The following DEAF1 variants were observed in gnomAD, a reference collection of about 807,000 sequenced individuals.
DEAF1 encodes deformed epidermal autoregulatory factor 1 homolog.
Under a neutral mutation model 58.9 loss-of-function variants are expected in DEAF1, and 53 were observed. The ratio of observed to expected loss-of-function variants is 0.90; its 90% CI spans 0.72 to 1.13. The LOEUF (loss-of-function observed/expected upper bound fraction) is 1.13. Ranked by LOEUF, DEAF1 falls within the 50% of genes most tolerant of loss-of-function variation. The pLI is 0.00. For missense variants in DEAF1, 685 were observed against 791.4 expected (o/e 0.87, Z 1.61); for synonymous variants, 385 against 340.4 (o/e 1.13, Z -1.44).
chr11:671,340 C>T (rs377188691), intron 10 of DEAF1, among the ~76,000 whole-genome samples: 125 of 152,014 alleles, frequency 8.2e-4, no homozygotes, highest in Non-Finnish European at 1.0e-3. Context: ...CCTGCCTCAG[C>T]CTCCTAAGTA....
chr11:678,480 T>A, intron 9 of DEAF1: 3 of 625,952 alleles, frequency 4.8e-6, no homozygotes, highest in Non-Finnish European at 8.0e-6. Flanking sequence ...AAAAGCAACT[T>A]CCACAGCACA....
upstream of DEAF1, chr11:695,449 G>C (rs986204753): frequency 3.9e-6 from 2 of 513,024 alleles, no homozygotes; most frequent in Non-Finnish European, 6.1e-6. Flanking sequence ...GTCCCCGGCC[G>C]ACAGGGCTGG....
intron 10 of DEAF1, among the ~76,000 whole-genome samples, chr11:667,660 T>A (rs1170783558): frequency 4.6e-5 from 7 of 151,058 alleles, no homozygotes; most frequent in Admixed American, 4.6e-4. Flanking sequence ...ATACAAAAAA[T>A]TAGCTGGGCA....
chr11:688,446 G>A lies in DEAF1; in HGVS notation c.402C>T (p.Ala134=). 3 of 1,613,794 alleles carry A rather than the reference G, an allele frequency of 1.9e-6. No individual in the cohort carries two copies. Among genetic ancestry groups the A allele is most frequent in the Non-Finnish European group, 2.5e-6 (3 of 1,180,018 alleles). ...ISGHVLSGRT[A]LQIGDSLNTE... ...TGTTCAGGCTGTCCCCGATCTGAAG[G>A]GCCGTCCTACCAGACTAGAAGGAAA... Residue 134 remains alanine (A), a synonymous_variant, in exon 3 of 12, where the codon GCC becomes GCT. Transcript: ENST00000382409. This position sits in a 1 kb window ranked among gnomAD's most constrained non-coding sequence, Gnocchi z 4.3.
intron 11 of DEAF1, among the ~76,000 whole-genome samples, chr11:651,815 G>A (rs536364515): frequency 1.5e-3 from 233 of 152,362 alleles, no homozygotes; most frequent in Middle Eastern, 6.8e-3. Flanking sequence ...GAACCTGGGA[G>A]GCGGAGCTTG....
intron 1 of DEAF1, chr11:703,544 C>T: frequency 8.1e-7 from 1 of 1,234,218 alleles, no homozygotes; most frequent in Non-Finnish European, 1.0e-6. Context: ...CCCCCATCAC[C>T]CCCTAGTTCC....
At chr11:649,261 A>AC (rs1390225423) in intron 11 of DEAF1, among the ~76,000 whole-genome samples, 5 of 151,250 alleles carry the variant, frequency 3.3e-5, no homozygotes, top group African/African-American at 4.9e-5. Flanking sequence ...ACACACACAC[A>AC]ACAACAACAA....
chr11:703,073 C>T (rs769282317), intron 1 of DEAF1: 23 of 1,612,574 alleles, frequency 1.4e-5, no homozygotes, highest in Non-Finnish European at 1.7e-5. Context: ...GGACTGGGCC[C>T]TCAGCGCCAC....
At chr11:680,712 A>G (rs1206213888) in intron 7 of DEAF1, among the ~76,000 whole-genome samples, 1 of 152,168 alleles carries the variant, frequency 6.6e-6, no homozygotes, top group African/African-American at 2.4e-5. Context: ...ATGCTCACTC[A>G]TACTAGGAAA....
intron 10 of DEAF1, chr11:673,917 A>T (rs1859940402): frequency 6.2e-6 from 1 of 160,438 alleles, no homozygotes; most frequent in Non-Finnish European, 1.4e-5. Context: ...TCTTCAATCT[A>T]AGTAAAGGGT....
upstream of DEAF1, chr11:695,734 T>A: frequency 8.1e-7 from 1 of 1,240,906 alleles, no homozygotes; most frequent in Non-Finnish European, 1.0e-6. Context: ...GTCGGGCCCC[T>A]TCGTCAGGAG....
At chr11:696,000 CGGCCT>C (rs199591823), upstream of DEAF1, among the ~76,000 whole-genome samples, 18 of 152,068 alleles carry the variant, frequency 1.2e-4, no homozygotes, top group Non-Finnish European at 2.4e-4. Context: ...TCGAGAAGCG[CGGCCT>C]GGCCTGGCCT....
Position 688,562 on chromosome 11 carries a change from T to G in DEAF1, c.388-102A>C. ...CTCCAGCAGGGCTCTCTGGCTGTTC[T>G]CACCAAGAAGGGACGCTCACCTAGG... is the stretch of plus-strand genomic sequence containing the variant. On this transcript the variant is annotated intron_variant, in intron 2 of 11. Coordinates refer to ENST00000382409, the MANE Select transcript of DEAF1 (RefSeq NM_021008.4). The surrounding 1 kb of genome is among the most constrained non-coding windows in gnomAD (Gnocchi z 4.3). 1 of 1,488,830 alleles carries G rather than the reference T, an allele frequency of 6.7e-7. No individual in the cohort carries two copies. The highest frequency in any genetic ancestry group is 9.3e-7 in the Non-Finnish European group (1 of 1,077,686). The allele number at this position is 1,488,830 out of a possible 1,614,324, so 92.2% of individuals were successfully genotyped here. A position where few individuals can be genotyped will look rare whatever the true frequency, so the allele number is the denominator to read the frequency against.
At chr11:701,551 C>T (rs1245583848) in intron 1 of DEAF1, among the ~76,000 whole-genome samples, 3 of 151,992 alleles carry the variant, frequency 2.0e-5, no homozygotes, top group African/African-American at 4.8e-5. Context: ...ACTGGGACTA[C>T]AGGTGCCCGC....
At chr11:704,266 G>C in intron 1 of DEAF1, 1 of 727,314 alleles carries the variant, frequency 1.4e-6, no homozygotes, top group Non-Finnish European at 1.9e-6. Flanking sequence ...CTTCCGCTCG[G>C]TGGACTCCTG....
At chr11:668,376 A>G (rs369412726) in intron 10 of DEAF1, among the ~76,000 whole-genome samples, 1 of 152,216 alleles carries the variant, frequency 6.6e-6, no homozygotes, top group Non-Finnish European at 1.5e-5. Flanking sequence ...TGTATATGCA[A>G]TATTCACCAC....
chr11:669,672 G>A (rs1428323442), intron 10 of DEAF1, among the ~76,000 whole-genome samples: 31 of 151,582 alleles, frequency 2.0e-4, no homozygotes, highest in African/African-American at 6.5e-4. Context: ...GCTCATGCCT[G>A]TAATCCCAGC....
In DEAF1 at chr11:688,164, GA is replaced by G; in HGVS notation, c.518-108del. The G allele has an allele frequency of 6.4e-7, 1 of 1,556,622 alleles. No homozygotes were observed. Among genetic ancestry groups the G allele is most frequent in the Non-Finnish European group, 8.8e-7 (1 of 1,142,086 alleles). On this transcript the variant is annotated intron_variant, in intron 3 of 11. Transcript: ENST00000382409. The surrounding 1 kb of genome is among the most constrained non-coding windows in gnomAD (Gnocchi z 4.3). ...GGCAGCGCCACCTCCTTCAACGGCG[GA>G]AAAACTTCTTGGTCAGGAAAATTCC...
chr11:686,737 G>C, intron 5 of DEAF1, 121 bp downstream of exon 5: 1 of 1,336,952 alleles, frequency 7.5e-7, no homozygotes, highest in Non-Finnish European at 1.0e-6. Flanking sequence ...CAGACAGCAG[G>C]TGGAGGCTGC....
Sources: allele counts gnomAD v4.1 joint callset (sites outside exome capture counted in the v4.1 genomes callset), GRCh38; gene constraint gnomAD v4.1.1; non-coding constraint Gnocchi (gnomAD v3.1); transcripts MANE v1.5; gene names NCBI Gene and HGNC (gene_info 2026-07-23, HGNC 2026-07-21).